ADAMTS3: variants seen among roughly 807,000 people sequenced by gnomAD.
ADAMTS3 encodes the protein A disintegrin and metalloproteinase with thrombospondin motifs 3.
In ADAMTS3, 73 loss-of-function variants were observed where a neutral mutation model predicts 129.0. The observed-to-expected ratio is 0.57, with a 90% confidence interval of 0.47 to 0.69. ADAMTS3 has a LOEUF of 0.69. Ranked by LOEUF, ADAMTS3 falls within the 30% of genes least tolerant of loss-of-function variation. The probability of loss-of-function intolerance (pLI) is 0.00; values close to 1 mark genes in which losing one functional copy is unlikely to be tolerated. For synonymous variants in ADAMTS3, 477 were observed against 510.8 expected, an observed-to-expected ratio of 0.93 and a Z score of 0.89; for missense variants, 1,457 against 1,514.5, an observed-to-expected ratio of 0.96 and a Z score of 0.63.
At chr4:72,410,227 ATCT>A (rs1162200352) in intron 4 of ADAMTS3, among the ~76,000 whole-genome samples, 1 of 152,100 alleles carries the variant, frequency 6.6e-6, no homozygotes, top group Non-Finnish European at 1.5e-5. Context: ...ATAAGAAATA[ATCT>A]TCTCGTTTTT....
At chr4:72,559,065 A>C (rs765429005) in intron 2 of ADAMTS3, among the ~76,000 whole-genome samples, 5 of 151,672 alleles carry the variant, frequency 3.3e-5, no homozygotes, top group Non-Finnish European at 5.9e-5. Flanking sequence ...ACCAATACAG[A>C]GGAAAAATGA....
intron 3 of ADAMTS3, among the ~76,000 whole-genome samples, chr4:72,463,204 G>T (rs1279390591): frequency 5.9e-5 from 9 of 151,918 alleles, no homozygotes; most frequent in African/African-American, 2.2e-4. Flanking sequence ...AGACTATAAG[G>T]CATAGCCTAG....
chr4:72,331,374 C>T (rs1466555867), intron 5 of ADAMTS3, among the ~76,000 whole-genome samples: 1 of 151,872 alleles, frequency 6.6e-6, no homozygotes, highest in Non-Finnish European at 1.5e-5. Context: ...GAGTTTGGAC[C>T]CAGACAGACA....
At position 72,283,053 on chromosome 4, in the gene ADAMTS3, C is replaced by A. The variant is rs1186455502; in HGVS notation, c.*83G>T. The A allele has an allele frequency of 4.2e-6, 5 of 1,187,450 alleles. No individual in the cohort carries two copies. Among genetic ancestry groups the A allele is most frequent in the African/African-American group, 1.5e-5 (1 of 65,028 alleles). The allele number at this position is 1,187,450 out of a possible 1,614,324, so 73.6% of individuals were successfully genotyped here. On this transcript the variant is annotated 3_prime_UTR_variant, in exon 22 of 22. Coordinates refer to ENST00000286657, the MANE Select transcript of ADAMTS3 (RefSeq NM_014243.3). ...TGAGCTGACGATCTATAGAGATTTC[C>A]ACTTTAAACAAGCATATGCACCATG...
Position 72,317,588 on chromosome 4 carries a change from C to T in ADAMTS3, c.1485+984G>A, listed in dbSNP as rs527381534. On this transcript the variant is annotated intron_variant, in intron 10 of 21. Transcript: ENST00000286657. ...TAATGGATTCCATTTAACATATATA[C>T]GTGCCTTTCTTGTGCTAAGCACTTT... 4.0e-5 allele frequency among the ~76,000 whole-genome samples: 6 copies of T among 151,598 alleles called. No individual in the cohort carries two copies. The East Asian group carries it at 7.8e-4, about 20-fold the overall frequency.
chr4:72,482,176 G>A (rs946132537), intron 3 of ADAMTS3, among the ~76,000 whole-genome samples: 2 of 151,766 alleles, frequency 1.3e-5, no homozygotes, highest in African/African-American at 4.8e-5. Flanking sequence ...AAAACTAAGG[G>A]TTATGTTCAT....
chr4:72,457,108 T>C (rs1247544005), intron 3 of ADAMTS3, among the ~76,000 whole-genome samples: 1 of 151,710 alleles, frequency 6.6e-6, no homozygotes, highest in African/African-American at 2.4e-5. Flanking sequence ...AATAAAGATG[T>C]GCTACATTTA....
intron 4 of ADAMTS3, among the ~76,000 whole-genome samples, chr4:72,412,978 C>T (rs1250438431): frequency 2.0e-5 from 3 of 151,918 alleles, no homozygotes; most frequent in African/African-American, 7.2e-5. Flanking sequence ...TCTGTAATTC[C>T]ATCCAATTCC....
At chr4:72,348,816 A>T (rs1261857366) in intron 4 of ADAMTS3, among the ~76,000 whole-genome samples, 1 of 151,788 alleles carries the variant, frequency 6.6e-6, no homozygotes, top group African/African-American at 2.4e-5. Flanking sequence ...ACCACAGCCA[A>T]CAGCCAGCAA....
intron 3 of ADAMTS3, among the ~76,000 whole-genome samples, chr4:72,436,311 A>G (rs893365144): frequency 1.3e-5 from 2 of 152,180 alleles, no homozygotes; most frequent in African/African-American, 4.8e-5. Context: ...ATGAGATACC[A>G]TCTCACGCCA....
chr4:72,523,339 C>T (rs1347964142), intron 3 of ADAMTS3, among the ~76,000 whole-genome samples: 2 of 151,952 alleles, frequency 1.3e-5, no homozygotes, highest in Non-Finnish European at 2.9e-5. Context: ...TTCCTGTTAA[C>T]ACAATTAACA....
At chr4:72,400,845 G>GTA (rs1246668631) in intron 4 of ADAMTS3, among the ~76,000 whole-genome samples, 1 of 150,738 alleles carries the variant, frequency 6.6e-6, no homozygotes, top group Admixed American at 6.6e-5. Context: ...ATATATATGT[G>GTA]TATATATCTG....
intron 3 of ADAMTS3, among the ~76,000 whole-genome samples, chr4:72,457,803 T>G (rs1341375644): frequency 6.6e-6 from 1 of 151,710 alleles, no homozygotes; most frequent in Non-Finnish European, 1.5e-5. Flanking sequence ...GTTTTATCCT[T>G]AAAATGTATA....
intron 3 of ADAMTS3, among the ~76,000 whole-genome samples, chr4:72,447,517 G>A (rs970624917): frequency 1.3e-5 from 2 of 151,668 alleles, no homozygotes; most frequent in African/African-American, 4.8e-5. Context: ...TTTGAGTCAG[G>A]ATTTTCTCCA....
At chr4:72,364,958 TTC>T (rs1263497958) in intron 4 of ADAMTS3, among the ~76,000 whole-genome samples, 10 of 152,246 alleles carry the variant, frequency 6.6e-5, no homozygotes, top group Middle Eastern at 3.4e-3. Context: ...TATTATAAGT[TTC>T]TGTTTGTTTT....
intron 19 of ADAMTS3, among the ~76,000 whole-genome samples, chr4:72,292,262 C>CT (rs1718692549): frequency 6.6e-6 from 1 of 152,184 alleles, no homozygotes; most frequent in Non-Finnish European, 1.5e-5. Flanking sequence ...CACCTCATGT[C>CT]TTTTTCTGGG....
rs185484083 is a variant in ADAMTS3 at position 72,296,503 on chromosome 4, G to A, written c.2591-717C>T. On this transcript the variant is annotated intron_variant, in intron 18 of 21. Coordinates refer to ENST00000286657, the MANE Select transcript of ADAMTS3 (RefSeq NM_014243.3). Reference sequence around the variant, plus strand: ...AAAAATTCAAACCTATCCAAAAGTTGTAAGAAAAAACAATATTTGTATACC... The same window carrying A: ...AAAAATTCAAACCTATCCAAAAGTTATAAGAAAAAACAATATTTGTATACC... Among the ~76,000 whole-genome samples, 35 of 152,054 alleles carry A rather than the reference G, an allele frequency of 2.3e-4. 1 individual carries two copies. In the East Asian group the frequency reaches 6.2e-3, roughly 27 times the overall value.
chr4:72,384,490 G>A (rs1228065296), intron 4 of ADAMTS3, among the ~76,000 whole-genome samples: 2 of 151,918 alleles, frequency 1.3e-5, no homozygotes, highest in East Asian at 3.9e-4. Context: ...AACAATGAAG[G>A]CCAGAAGACA....
chr4:72,498,326 A>C (rs949112991), intron 3 of ADAMTS3, among the ~76,000 whole-genome samples: 2 of 152,000 alleles, frequency 1.3e-5, no homozygotes, highest in Admixed American at 6.6e-5. Flanking sequence ...TGTATCAATG[A>C]CATCACGAGC....
Sources: gnomAD v4.1 joint callset for allele counts (sites outside exome capture counted in the v4.1 genomes callset) on GRCh38, gnomAD v4.1.1 for gene constraint, MANE v1.5 for transcripts, NCBI Gene and HGNC (gene_info 2026-07-23, HGNC 2026-07-21) for gene names.